Variants in RIMS2 observed in about 807,000 individuals in gnomAD.
RIMS2 encodes the protein regulating synaptic membrane exocytosis protein 2.
A neutral mutation model predicts 174.4 loss-of-function variants in RIMS2; 59 were observed. The ratio of observed to expected loss-of-function variants is 0.34; its 90% CI spans 0.27 to 0.42. The LOEUF is 0.42. Among genes scored for constraint, RIMS2 ranks in the 10% least tolerant of loss-of-function variants. The probability of loss-of-function intolerance (pLI) is 1.00; values close to 1 mark genes in which losing one functional copy is unlikely to be tolerated. For missense variants in RIMS2, 1,620 were observed against 1,666.3 expected, an observed-to-expected ratio of 0.97 and a Z score of 0.48; for synonymous variants, 606 against 572.5, an observed-to-expected ratio of 1.06 and a Z score of -0.84.
chr8:103,707,555 A>C (rs1429113618), intron 2 of RIMS2, among the ~76,000 whole-genome samples: 1 of 152,104 alleles, frequency 6.6e-6, no homozygotes, highest in Non-Finnish European at 1.5e-5. Context: ...TGGGGAAGAT[A>C]AGGTTCCCAG....
intron 1 of RIMS2, among the ~76,000 whole-genome samples, chr8:103,552,191 A>T (rs954082757): frequency 6.6e-6 from 1 of 152,218 alleles, no homozygotes; most frequent in Non-Finnish European, 1.5e-5. Flanking sequence ...ATGCTACCTG[A>T]CTTCAAACTA....
At chr8:103,744,091 G>A (rs1171228363) in intron 2 of RIMS2, among the ~76,000 whole-genome samples, 2 of 152,184 alleles carry the variant, frequency 1.3e-5, no homozygotes, top group Non-Finnish European at 2.9e-5. Context: ...CTGTTGCCAG[G>A]CTGGAGTGCA....
At chr8:103,517,458 G>C (rs557633511) in intron 1 of RIMS2, among the ~76,000 whole-genome samples, 1 of 151,512 alleles carries the variant, frequency 6.6e-6, no homozygotes, top group East Asian at 1.9e-4. Context: ...AGTTACAAAG[G>C]GCATCATATG....
At chr8:103,824,964 T>G (rs143847103) in intron 3 of RIMS2, among the ~76,000 whole-genome samples, 1 of 152,336 alleles carries the variant, frequency 6.6e-6, no homozygotes, top group Non-Finnish European at 1.5e-5. Flanking sequence ...TTATGTTGGG[T>G]AGTATTGAAC....
At chr8:104,100,937 A>G (rs1465454936) in intron 19 of RIMS2, among the ~76,000 whole-genome samples, 3 of 108,656 alleles carry the variant, frequency 2.8e-5, no homozygotes, top group African/African-American at 1.3e-4. Flanking sequence ...GTGATATATT[A>G]TATATTATAT....
At chr8:103,943,511 T>A (rs1441356493) in intron 14 of RIMS2, among the ~76,000 whole-genome samples, 1 of 152,192 alleles carries the variant, frequency 6.6e-6, no homozygotes, top group Non-Finnish European at 1.5e-5. Flanking sequence ...TAAGAATTAA[T>A]TAGTCTCAAT....
chr8:103,814,417 A>G (rs1041721024), intron 3 of RIMS2, among the ~76,000 whole-genome samples: 4 of 152,134 alleles, frequency 2.6e-5, no homozygotes, highest in Non-Finnish European at 5.9e-5. Context: ...TAAAAGTTAA[A>G]AAAACTAAAA....
intron 1 of RIMS2, among the ~76,000 whole-genome samples, chr8:103,676,181 A>G (rs2096807812): frequency 6.6e-6 from 1 of 152,126 alleles, no homozygotes; most frequent in South Asian, 2.1e-4. Context: ...CTTCCCTTTC[A>G]TACACCCTTA....
chr8:103,967,828 T>G (rs1015382207), intron 15 of RIMS2, among the ~76,000 whole-genome samples: 12 of 150,810 alleles, frequency 8.0e-5, no homozygotes, highest in African/African-American at 2.9e-4. Context: ...CAGCTTTGTC[T>G]AAAATTAGTG....
intron 16 of RIMS2, among the ~76,000 whole-genome samples, chr8:103,981,006 C>T (rs2093854310): frequency 6.6e-6 from 1 of 152,174 alleles, no homozygotes; most frequent in Non-Finnish European, 1.5e-5. Context: ...GGGAACTTAC[C>T]ACCCCGAAGA....
At chr8:103,888,826 C>T (rs1224320446) in intron 4 of RIMS2, among the ~76,000 whole-genome samples, 1 of 151,486 alleles carries the variant, frequency 6.6e-6, no homozygotes, top group East Asian at 1.9e-4. Context: ...ACTTGAACTT[C>T]TAATAGACGC....
At chr8:104,088,871 T>C (rs2097581929) in intron 19 of RIMS2, among the ~76,000 whole-genome samples, 1 of 152,030 alleles carries the variant, frequency 6.6e-6, no homozygotes, top group Admixed American at 6.6e-5. Flanking sequence ...TTCTTTTCAA[T>C]AGAGCTCTGC....
At chr8:103,527,554 C>T (rs559009465) in intron 1 of RIMS2, among the ~76,000 whole-genome samples, 1 of 151,930 alleles carries the variant, frequency 6.6e-6, no homozygotes. Context: ...CCCCTCCCCA[C>T]AACAGGCCCT....
chr8:103,848,367 G>T (rs2098978996), intron 3 of RIMS2, among the ~76,000 whole-genome samples: 1 of 152,030 alleles, frequency 6.6e-6, no homozygotes. Flanking sequence ...GAACTTCAGA[G>T]GCAGCACTGA....
At chr8:103,698,743 C>T (rs769814083) in intron 2 of RIMS2, among the ~76,000 whole-genome samples, 4 of 152,092 alleles carry the variant, frequency 2.6e-5, no homozygotes, top group East Asian at 1.9e-4. Context: ...GTAGCTGGGA[C>T]GACAGACACA....
chr8:103,779,909 A>T (rs1015765162), intron 3 of RIMS2, among the ~76,000 whole-genome samples: 2 of 152,114 alleles, frequency 1.3e-5, no homozygotes, highest in African/African-American at 4.8e-5. Context: ...TAATTAAAAA[A>T]AAAAAAGAAA....
At chr8:103,674,725 T>C (rs572474831) in intron 1 of RIMS2, among the ~76,000 whole-genome samples, 3 of 152,240 alleles carry the variant, frequency 2.0e-5, no homozygotes, top group Non-Finnish European at 2.9e-5. Flanking sequence ...TGGTTTTTAG[T>C]GAAAACCTAG....
intron 2 of RIMS2, among the ~76,000 whole-genome samples, chr8:103,720,700 G>A (rs749143443): frequency 2.8e-4 from 43 of 152,040 alleles, no homozygotes; most frequent in Non-Finnish European, 4.6e-4. Flanking sequence ...CAACATAGAG[G>A]TATTTTGGAC....
At chr8:103,501,152 C>T (rs1431970080) in intron 1 of RIMS2, 90 bp downstream of exon 1, 18 of 1,035,882 alleles carry the variant, frequency 1.7e-5, no homozygotes, top group Non-Finnish European at 2.2e-5. Context: ...CCCAGTTCGC[C>T]GCCCTCCCTC....
Sources: allele counts gnomAD v4.1 joint callset (sites outside exome capture counted in the v4.1 genomes callset), GRCh38; gene constraint gnomAD v4.1.1; transcripts MANE v1.5; gene names NCBI Gene and HGNC (gene_info 2026-07-23, HGNC 2026-07-21).